The following BOD1L1 variants were observed in gnomAD, a reference collection of about 807,000 sequenced individuals.
BOD1L1 encodes the protein biorientation of chromosomes in cell division 1 like 1.
BOD1L1 carries 86 observed loss-of-function variants against 240.7 expected under a neutral mutation model. That is an observed-to-expected ratio of 0.36 (90% CI 0.30 to 0.43). BOD1L1 has a LOEUF of 0.43. Ranked by LOEUF, BOD1L1 falls within the 20% of genes least tolerant of loss-of-function variation. BOD1L1 has a pLI of 1.00. For missense variants in BOD1L1, 3,554 were observed against 3,643.5 expected (o/e 0.98, Z 0.63); for synonymous variants, 1,268 against 1,272.3 (o/e 1.00, Z 0.07).
intron 2 of BOD1L1, among the ~76,000 whole-genome samples, chr4:13,617,250 A>C (rs1000983561): frequency 1.8e-4 from 27 of 150,516 alleles, no homozygotes; most frequent in Admixed American, 3.9e-4. Context: ...CTCAAAAAAA[A>C]AAAAAAAAAT....
intron 16 of BOD1L1, 118 bp downstream of exon 16, chr4:13,587,581 G>T: frequency 2.7e-6 from 2 of 729,464 alleles, no homozygotes; most frequent in Non-Finnish European, 4.5e-6. Context: ...TTAGCCTCAA[G>T]ACTTGTAAAG....
In BOD1L1 at chr4:13,569,973, C is replaced by G; in HGVS notation, c.*38G>C. 7.0e-7 allele frequency: 1 copy of G among 1,435,340 alleles called. No homozygotes were observed. Among genetic ancestry groups the G allele is most frequent in the Non-Finnish European group, 9.3e-7 (1 of 1,074,564 alleles). 88.9% of individuals were successfully genotyped at this position (1,435,340 alleles called of 1,614,324 possible). On this transcript the variant is annotated 3_prime_UTR_variant, in exon 26 of 26. Transcript: ENST00000040738. ...CAAGGCATGTCTCTTTCCTCTCCAC[C>G]GTGTTCCTCCATAAGCCTAGGGCAG...
intron 10 of BOD1L1, 127 bp from the exon 11 acceptor site, chr4:13,597,295 G>A: frequency 5.9e-6 from 4 of 679,422 alleles, no homozygotes; most frequent in Non-Finnish European, 7.7e-6. Context: ...TTATTTTGCT[G>A]TCAGTAGAAA....
At chr4:13,610,892 C>A (rs2108975021) in intron 6 of BOD1L1, 42 bp downstream of exon 6, 1 of 1,519,022 alleles carries the variant, frequency 6.6e-7, no homozygotes. Flanking sequence ...AGTTTGTTAA[C>A]CTGATGTAGT....
intron 1 of BOD1L1, among the ~76,000 whole-genome samples, chr4:13,622,249 A>G (rs2108999905): frequency 6.6e-6 from 1 of 152,294 alleles, no homozygotes; most frequent in Non-Finnish European, 1.5e-5. Context: ...ACACACATTC[A>G]TTAGGCTCTA....
At chr4:13,597,739 A>G (rs1434712839) in intron 10 of BOD1L1, among the ~76,000 whole-genome samples, 1 of 152,198 alleles carries the variant, frequency 6.6e-6, no homozygotes, top group Admixed American at 6.5e-5. Flanking sequence ...TTCAGGAAAA[A>G]AGGAGGAATG....
chr4:13,583,372 A>G (rs1713390278), intron 17 of BOD1L1, among the ~76,000 whole-genome samples: 1 of 152,220 alleles, frequency 6.6e-6, no homozygotes, highest in African/African-American at 2.4e-5. Flanking sequence ...AAAATTGTAA[A>G]TCCTCATTTC....
intron 12 of BOD1L1, among the ~76,000 whole-genome samples, chr4:13,594,634 T>C (rs1714471380): frequency 4.6e-5 from 7 of 152,184 alleles, no homozygotes; most frequent in Admixed American, 3.9e-4. Flanking sequence ...CAGTGGCTCA[T>C]GCATGTAACC....
At position 13,581,181 on chromosome 4, in the gene BOD1L1, C is replaced by T; in HGVS notation, c.8619G>A (p.Arg2873=). 6.4e-7 allele frequency: 1 copy of T among 1,572,054 alleles called. No individual in the cohort carries two copies. The highest frequency in any genetic ancestry group is 8.6e-7 in the Non-Finnish European group (1 of 1,156,978). ...QEEDQPIIIK[R]KRGRPRKYPV... ...GGTATTTGCGAGGTCTTCCTCTTTT[C>T]CTTTTAATAATTATTGGCTGATCTT... The change falls in exon 20 of 26, where the codon AGG becomes AGA. Residue 2873 remains arginine (R), a synonymous_variant. Coordinates refer to ENST00000040738, the MANE Select transcript of BOD1L1 (RefSeq NM_148894.3).
intron 12 of BOD1L1, 187 bp from the exon 13 acceptor site, chr4:13,592,153 T>C (rs1441589349): frequency 2.0e-6 from 1 of 509,378 alleles, no homozygotes; most frequent in Non-Finnish European, 3.5e-6. Flanking sequence ...TACCAGAATA[T>C]ACTACCAGAA....
rs2108957175 is a variant in BOD1L1, at chr4:13,603,942, C to T, written c.2958G>A (p.Lys986=). 2 of 1,613,866 alleles carry T rather than the reference C, an allele frequency of 1.2e-6. No individual in the cohort carries two copies. Among genetic ancestry groups the T allele is most frequent in the African/African-American group, 1.3e-5 (1 of 75,022 alleles). The change falls in exon 10 of 26, where the codon AAG becomes AAA. Residue 986 remains lysine, a synonymous_variant. Coordinates refer to ENST00000040738, the MANE Select transcript of BOD1L1 (RefSeq NM_148894.3). ...TASSSAHSTQ[K]DSSHRAKLPL... is the part of the protein sequence containing the mutation. Reference sequence around the variant, plus strand: ...GTAACTTGGCTCTATGACTAGAATCCTTCTGTGTACTATGTGCTGAAGAAG... The same window carrying T: ...GTAACTTGGCTCTATGACTAGAATCTTTCTGTGTACTATGTGCTGAAGAAG...
intron 2 of BOD1L1, among the ~76,000 whole-genome samples, chr4:13,619,469 C>T (rs1008064585): frequency 1.3e-5 from 2 of 151,964 alleles, no homozygotes; most frequent in African/African-American, 4.8e-5. Flanking sequence ...TCATAAACAG[C>T]AGTTAAAAGT....
At chr4:13,594,226 CCTGA>C (rs1163176460) in intron 12 of BOD1L1, among the ~76,000 whole-genome samples, 5 of 152,078 alleles carry the variant, frequency 3.3e-5, no homozygotes, top group African/African-American at 1.2e-4. Context: ...CAAAAATCAC[CCTGA>C]CTGTTTACTC....
In BOD1L1 at chr4:13,609,301, C is replaced by A. The variant is rs191373423; in HGVS notation, c.1597G>T (p.Gly533Cys). The A allele has an allele frequency of 1.3e-6, 2 of 1,529,286 alleles. No individual in the cohort carries two copies. The highest frequency in any genetic ancestry group is 4.8e-5 in the East Asian group (2 of 41,842). The allele number at this position is 1,529,286 out of a possible 1,614,324, so 94.7% of individuals were successfully genotyped here. A position where few individuals can be genotyped will look rare whatever the true frequency, so the allele number is the denominator to read the frequency against. The change falls in exon 7 of 26, where the codon GGT becomes TGT. Residue 533 changes from glycine to cysteine, a missense_variant. Physicochemically the swap from Gly to Cys is radical, Grantham distance 159 (BLOSUM62 -3). Around this residue, in one of 2 missense-constraint regions of BOD1L1, gnomAD observed 3,393 missense variants for 3,427.1 expected, o/e 0.99. Transcript: ENST00000040738. ...TAAAAGTTGACATCTATACCTTGAC[C>A]CTTGGTTTTTGAAGACTTTGTCTTT... ...AEKTKSSKTK[G>C]QGRSSVDLEE...
chr4:13,600,299 C>G lies in BOD1L1; in HGVS notation c.6601G>C (p.Ala2201Pro). Reference protein sequence around the residue: ...EGPMPSAPPEAESPLASTSKE... With the variant: ...EGPMPSAPPEPESPLASTSKE... ...CTGGTTGAGGCAAGAGGACTTTCAG[C>G]TTCTGGGGGCGCACTGGGCATAGGC... is the stretch of plus-strand genomic sequence containing the variant. The change falls in exon 10 of 26, where the codon GCT becomes CCT. Residue 2201 changes from alanine to proline, a missense_variant. This residue lies in a region of BOD1L1 where 3,393 missense variants were observed against 3,427.1 expected (regional missense o/e 0.99). Transcript: ENST00000040738. 6.2e-7 allele frequency: 1 copy of G among 1,614,058 alleles called. No individual in the cohort carries two copies. Among genetic ancestry groups the G allele is most frequent in the Non-Finnish European group, 8.5e-7 (1 of 1,179,894 alleles).
At chr4:13,570,215 T>C in intron 25 of BOD1L1, 87 bp from the exon 26 acceptor site, 1 of 959,154 alleles carries the variant, frequency 1.0e-6, no homozygotes, top group Non-Finnish European at 1.5e-6. Context: ...CAGAAGAGTT[T>C]TGAACTTGAC....
chr4:13,581,524 A>C (rs995432546), intron 19 of BOD1L1, among the ~76,000 whole-genome samples: 20 of 152,206 alleles, frequency 1.3e-4, no homozygotes, highest in African/African-American at 4.6e-4. Flanking sequence ...GATTTGGCCC[A>C]AGTTAGTTGT....
chr4:13,621,866 CTTTTTTT>C (rs144306218), intron 1 of BOD1L1, among the ~76,000 whole-genome samples: 1 of 108,964 alleles, frequency 9.2e-6, no homozygotes, highest in Non-Finnish European at 1.9e-5. Context: ...AAAATTAATT[CTTTTTTT>C]TTTTTTTTTT....
rs1216085667 is a variant in BOD1L1, at chr4:13,582,320, AG to A, written c.8519-11del. On this transcript the variant is annotated splice_polypyrimidine_tract_variant and intron_variant, in intron 18 of 25. Transcript: ENST00000040738. ...CTGCTGCTATATTCATCTGTAGAAA[AG>A]GAAGAACTTTGTTCAATGCTAGTGA... 6.2e-7 allele frequency: 1 copy of A among 1,611,022 alleles called. No individual in the cohort carries two copies. Among genetic ancestry groups the A allele is most frequent in the Admixed American group, 1.7e-5 (1 of 59,786 alleles).
Sources: gnomAD v4.1 joint callset for allele counts (sites outside exome capture counted in the v4.1 genomes callset) on GRCh38, gnomAD v4.1.1 for gene constraint, gnomAD v4.1.1 regional missense constraint, MANE v1.5 for transcripts, NCBI Gene and HGNC (gene_info 2026-07-23, HGNC 2026-07-21) for gene names.